ANK1: variants seen among roughly 807,000 people sequenced by gnomAD.
ANK1 encodes ankyrin 1.
Under a neutral mutation model 210.4 loss-of-function variants are expected in ANK1, and 51 were observed. The ratio of observed to expected loss-of-function variants is 0.24; its 90% CI spans 0.19 to 0.31. The LOEUF (loss-of-function observed/expected upper bound fraction) is 0.31. Ranked by LOEUF, ANK1 falls within the 10% of genes least tolerant of loss-of-function variation. The probability of loss-of-function intolerance (pLI) is 1.00; values close to 1 mark genes in which losing one functional copy is unlikely to be tolerated. For missense variants in ANK1, 2,051 were observed against 2,504.4 expected (o/e 0.82, Z 3.86); for synonymous variants, 967 against 1,025.9 (o/e 0.94, Z 1.10).
At chr8:41,796,408 C>T (rs1352316559) in intron 1 of ANK1, among the ~76,000 whole-genome samples, 1 of 151,948 alleles carries the variant, frequency 6.6e-6, no homozygotes, top group Non-Finnish European at 1.5e-5. Context: ...ATGATCAGGT[C>T]TCCAAGACTC....
At chr8:41,730,433 T>G (rs534817756) in intron 3 of ANK1, among the ~76,000 whole-genome samples, 2 of 151,188 alleles carry the variant, frequency 1.3e-5, no homozygotes, top group African/African-American at 4.9e-5. Context: ...TGAGACCCAG[T>G]CTGTCTGTCT....
At chr8:41,676,140 A>G (rs1417627811) in intron 37 of ANK1, among the ~76,000 whole-genome samples, 1 of 152,242 alleles carries the variant, frequency 6.6e-6, no homozygotes, top group African/African-American at 2.4e-5. Context: ...TTGATTGTAC[A>G]GTAGGTATAT....
chr8:41,782,849 A>C (rs1845618530), intron 1 of ANK1, among the ~76,000 whole-genome samples: 1 of 152,214 alleles, frequency 6.6e-6, no homozygotes. Flanking sequence ...CAAGTATTTC[A>C]TTAACTTGAT....
At chr8:41,661,277 G>A (rs1327692990) in intron 42 of ANK1, 153 bp downstream of exon 42, 2 of 1,173,650 alleles carry the variant, frequency 1.7e-6, no homozygotes, top group African/African-American at 1.5e-5. Flanking sequence ...CTGTTAGCAG[G>A]GTTGGGAAGT....
rs1270841068 is a variant in ANK1, at chr8:41,655,686, G to T, written c.*104C>A. The T allele has an allele frequency of 1.2e-6, 2 of 1,611,460 alleles. No individual in the cohort carries two copies. The highest frequency in any genetic ancestry group is 2.7e-5 in the African/African-American group (2 of 74,868). ...TGTGCACCGCTGCGGTGGCCCTCAG[G>T]TCCAGCTCTCCTCCTGTGTGCATGG... is the stretch of plus-strand genomic sequence containing the variant. On this transcript the variant is annotated 3_prime_UTR_variant, in exon 43 of 43. Coordinates refer to ENST00000289734, the MANE Select transcript of ANK1 (RefSeq NM_000037.4).
At chr8:41,762,712 GTC>G (rs1274079712) in intron 1 of ANK1, among the ~76,000 whole-genome samples, 2 of 152,186 alleles carry the variant, frequency 1.3e-5, no homozygotes, top group Non-Finnish European at 2.9e-5. Context: ...GATTCAGAAA[GTC>G]TGTCTAGATT....
At chr8:41,864,179 G>C (rs967999653) in intron 1 of ANK1, among the ~76,000 whole-genome samples, 2 of 151,378 alleles carry the variant, frequency 1.3e-5, no homozygotes, top group African/African-American at 4.9e-5. Flanking sequence ...GAACCTGGGA[G>C]GTGGAGCTTG....
rs925360808 is a variant in ANK1, at chr8:41,704,637, A to G, written c.2098-165T>C. 6.6e-6 allele frequency among the ~76,000 whole-genome samples: 1 copy of G among 152,186 alleles called. No homozygotes were observed. The highest frequency in any genetic ancestry group is 1.5e-5 in the Non-Finnish European group (1 of 68,026). ...GCTGGGCAGAGACCACCAGGCTGAG[A>G]TGCTTGTGGGAGACCCAAGGGGAGA... is the stretch of plus-strand genomic sequence containing the variant. On this transcript the variant is annotated intron_variant, in intron 18 of 42. Coordinates refer to ENST00000289734, the MANE Select transcript of ANK1 (RefSeq NM_000037.4). The surrounding 1 kb of genome is among the most constrained non-coding windows in gnomAD (Gnocchi z 4.1).
intron 1 of ANK1, among the ~76,000 whole-genome samples, chr8:41,843,214 C>A (rs573119968): frequency 6.6e-6 from 1 of 152,112 alleles, no homozygotes; most frequent in Non-Finnish European, 1.5e-5. Context: ...CAAATTCATG[C>A]GGTACGTGAG....
At chr8:41,822,186 G>GAAAGA (rs10686757) in intron 1 of ANK1, among the ~76,000 whole-genome samples, 26 of 145,754 alleles carry the variant, frequency 1.8e-4, no homozygotes, top group African/African-American at 6.7e-4. Context: ...AAGAAAGAAA[G>GAAAGA]AAGGAAAGAA....
chr8:41,775,892 A>G (rs965989274), intron 1 of ANK1, among the ~76,000 whole-genome samples: 1 of 152,192 alleles, frequency 6.6e-6, no homozygotes, highest in Non-Finnish European at 1.5e-5. Context: ...ATTTCTAATA[A>G]TAACAATAAT....
In ANK1 at chr8:41,797,596, G is replaced by A; in HGVS notation, c.-58C>T. 1 of 1,607,888 alleles carries A rather than the reference G, an allele frequency of 6.2e-7. No individual in the cohort carries two copies. The highest frequency in any genetic ancestry group is 1.1e-5 in the South Asian group (1 of 90,086). ...CTTGGGGGCTTGAGGAGGAGCAGCT[G>A]GGGCTGGCGGACTCACCGCAGCCTC... On this transcript the variant is annotated 5_prime_UTR_variant, in exon 1 of 43. Transcript: ENST00000289734. This position sits in a 1 kb window ranked among gnomAD's most constrained non-coding sequence, Gnocchi z 4.0.
At chr8:41,687,594 G>A (rs1157844811) in intron 35 of ANK1, among the ~76,000 whole-genome samples, 1 of 152,180 alleles carries the variant, frequency 6.6e-6, no homozygotes, top group African/African-American at 2.4e-5. Context: ...ACGGATTTGA[G>A]GTTTCCTCCT....
intron 1 of ANK1, among the ~76,000 whole-genome samples, chr8:41,767,869 G>T (rs1440364883): frequency 6.6e-6 from 1 of 152,194 alleles, no homozygotes; most frequent in Non-Finnish European, 1.5e-5. Flanking sequence ...GCCGGGGTGA[G>T]CTCAGCAAAC....
chr8:41,894,035 A>G (rs925763252), intron 1 of ANK1, among the ~76,000 whole-genome samples: 3 of 151,756 alleles, frequency 2.0e-5, no homozygotes, highest in African/African-American at 7.3e-5. Flanking sequence ...GTGATTTTCA[A>G]TTTTGCTATA....
intron 1 of ANK1, among the ~76,000 whole-genome samples, chr8:41,875,906 A>T (rs1816480508): frequency 6.6e-6 from 1 of 151,934 alleles, no homozygotes; most frequent in African/African-American, 2.4e-5. Context: ...CTTTGCCTTC[A>T]TTTCTCCGGC....
intron 3 of ANK1, among the ~76,000 whole-genome samples, chr8:41,728,881 C>T (rs1442902356): frequency 6.6e-6 from 1 of 152,252 alleles, no homozygotes; most frequent in African/African-American, 2.4e-5. Flanking sequence ...TGTCAGCGAG[C>T]TGGCCTTCCG....
At chr8:41,781,287 C>T (rs372131885) in intron 1 of ANK1, among the ~76,000 whole-genome samples, 3 of 152,326 alleles carry the variant, frequency 2.0e-5, no homozygotes, top group East Asian at 1.9e-4. Context: ...TTCTCTAAAA[C>T]GTGGCAAGCT....
rs542011395 is a variant in ANK1 at position 41,856,787 on chromosome 8, AAAC to A, written c.126+39565_126+39567del. Among the ~76,000 whole-genome samples the A allele has an allele frequency of 3.5e-3, 531 of 152,256 alleles. 2 individuals are homozygous for A. Among genetic ancestry groups the A allele is most frequent in the African/African-American group, 0.012 (517 of 41,520 alleles). ...AATCCAAAAAAAAAATTGAAATCCAAAACATTTCTGGTCCCAAGCATTCTGCAT... is the reference window on the plus strand; with the variant it reads ...AATCCAAAAAAAAAATTGAAATCCAAATTTCTGGTCCCAAGCATTCTGCAT... On this transcript the variant is annotated intron_variant, in intron 1 of 42. Transcript: ENST00000265709.
Sources: gnomAD v4.1 joint callset for allele counts (sites outside exome capture counted in the v4.1 genomes callset) on GRCh38, gnomAD v4.1.1 for gene constraint, Gnocchi (gnomAD v3.1) non-coding constraint, MANE v1.5 for transcripts, NCBI Gene and HGNC (gene_info 2026-07-23, HGNC 2026-07-21) for gene names.